The following PHACTR1 variants were observed in gnomAD, a reference collection of about 807,000 sequenced individuals.
PHACTR1 encodes the protein phosphatase and actin regulator 1.
PHACTR1 carries 16 observed loss-of-function variants against 69.2 expected under a neutral mutation model. That is an observed-to-expected ratio of 0.23 (90% CI 0.16 to 0.35). The LOEUF (loss-of-function observed/expected upper bound fraction) is 0.35. Among genes scored for constraint, PHACTR1 ranks in the 10% least tolerant of loss-of-function variants. The pLI is 1.00. For synonymous variants in PHACTR1, 312 were observed against 284.5 expected, an observed-to-expected ratio of 1.10 and a Z score of -0.97; for missense variants, 510 against 734.7, an observed-to-expected ratio of 0.69 and a Z score of 3.54.
chr6:13,221,578 G>C (rs911811692), intron 8 of PHACTR1, among the ~76,000 whole-genome samples: 1 of 152,202 alleles, frequency 6.6e-6, no homozygotes, highest in Non-Finnish European at 1.5e-5. Flanking sequence ...CCCTCTGGTT[G>C]TGTGACCTTG....
rs569562336 is a variant in PHACTR1 at position 13,016,936 on chromosome 6, C to T, written c.251-36429C>T. Among the ~76,000 whole-genome samples the T allele has an allele frequency of 1.4e-4, 22 of 152,242 alleles. No homozygotes were observed. In the South Asian group the frequency reaches 4.2e-3, roughly 29 times the overall value. On this transcript the variant is annotated intron_variant, in intron 4 of 14. Transcript: ENST00000332995. ...GCGCGGTGGCTCACGCCTGTAATCC[C>T]AGCACTTTGGGAGGCCAAAGCCTGT...
At chr6:12,752,548 C>T (rs1428516336) in intron 4 of PHACTR1, among the ~76,000 whole-genome samples, 1 of 152,120 alleles carries the variant, frequency 6.6e-6, no homozygotes, top group Non-Finnish European at 1.5e-5. Flanking sequence ...ATACATAAAC[C>T]CATGTTTGAT....
At position 13,243,062 on chromosome 6, in the gene PHACTR1, A is replaced by G. The variant is rs73357157; in HGVS notation, c.1391+12869A>G. ...GTAGCAAATTCTTTTATGGGTGTGA[A>G]TGTATTTTAGATTATTTCTCTTGCC... On this transcript the variant is annotated intron_variant, in intron 10 of 14. Coordinates refer to ENST00000332995, the MANE Select transcript of PHACTR1 (RefSeq NM_030948.6). Among the ~76,000 whole-genome samples, 504 of 152,306 alleles carry G rather than the reference A, an allele frequency of 3.3e-3. 3 individuals carry two copies. Among genetic ancestry groups the G allele is most frequent in the African/African-American group, 0.012 (480 of 41,568 alleles).
chr6:13,147,112 G>A (rs935832101), intron 5 of PHACTR1, among the ~76,000 whole-genome samples: 2 of 152,110 alleles, frequency 1.3e-5, no homozygotes, highest in African/African-American at 4.8e-5. Context: ...TTGTACGTGG[G>A]GCTTAACATA....
intron 4 of PHACTR1, among the ~76,000 whole-genome samples, chr6:12,777,237 A>T (rs200037773): frequency 3.7e-4 from 44 of 119,794 alleles, no homozygotes; most frequent in South Asian, 7.1e-4. Context: ...ATATATATAT[A>T]TATATTTTTT....
chr6:13,179,622 T>C lies in PHACTR1; in HGVS notation c.497-2897T>C. ...GGTTTTCATTTCTTTCTACTAGATATGTATACACATATATGGATGGATGGG... is the reference window on the plus strand; with the variant it reads ...GGTTTTCATTTCTTTCTACTAGATACGTATACACATATATGGATGGATGGG... On this transcript the variant is annotated intron_variant, in intron 6 of 14. Transcript: ENST00000332995. This position sits in a 1 kb window ranked among gnomAD's most constrained non-coding sequence, Gnocchi z 4.2. 6.6e-6 allele frequency among the ~76,000 whole-genome samples: 1 copy of C among 152,042 alleles called. No homozygotes were observed. Among genetic ancestry groups the C allele is most frequent in the East Asian group, 1.9e-4 (1 of 5,196 alleles).
intron 4 of PHACTR1, among the ~76,000 whole-genome samples, chr6:12,816,666 A>G (rs1775626765): frequency 6.6e-6 from 1 of 152,234 alleles, no homozygotes; most frequent in Non-Finnish European, 1.5e-5. Flanking sequence ...TAAAAATGGC[A>G]ATAGGCACAG....
chr6:12,947,771 G>A (rs183253024), intron 4 of PHACTR1, among the ~76,000 whole-genome samples: 11 of 152,274 alleles, frequency 7.2e-5, no homozygotes, highest in Non-Finnish European at 1.2e-4. Flanking sequence ...ATTTAAATAC[G>A]TAGTAAGTGA....
In PHACTR1 at chr6:12,733,674, C is replaced by A. The variant is rs182339348; in HGVS notation, c.103+14827C>A. 3.3e-5 allele frequency among the ~76,000 whole-genome samples: 5 copies of A among 152,246 alleles called. No individual in the cohort carries two copies. In the East Asian group the frequency reaches 5.8e-4, roughly 18 times the overall value. ...ATATGGGGCTCAAATAGGATTAAAGCCCCTGCAGCCTTTGCCTCTGAAGTT... is the reference window on the plus strand; with the variant it reads ...ATATGGGGCTCAAATAGGATTAAAGACCCTGCAGCCTTTGCCTCTGAAGTT... On this transcript the variant is annotated intron_variant, in intron 3 of 14. Transcript: ENST00000332995.
At position 13,053,319 on chromosome 6, in the gene PHACTR1, A is replaced by C. The variant is rs1320714802; in HGVS notation, c.251-46A>C. The C allele has an allele frequency of 3.9e-6, 6 of 1,531,194 alleles. No individual in the cohort carries two copies. The African/African-American group carries it at 6.9e-5, about 18-fold the overall frequency. The allele number at this position is 1,531,194 out of a possible 1,614,324, so 94.9% of individuals were successfully genotyped here. On this transcript the variant is annotated intron_variant, in intron 4 of 14. Coordinates refer to ENST00000332995, the MANE Select transcript of PHACTR1 (RefSeq NM_030948.6). ...CCATCTGTGAGGCTCCCATTTTAAC[A>C]CTTTTTTTCTCTCTTTGTTTTCATC...
At chr6:12,874,709 CAAG>C (rs1429807269) in intron 4 of PHACTR1, among the ~76,000 whole-genome samples, 7 of 152,152 alleles carry the variant, frequency 4.6e-5, no homozygotes, top group Admixed American at 3.9e-4. Flanking sequence ...TTGCAAAACA[CAAG>C]AAGAACAAAT....
chr6:12,849,625 A>C (rs1779638973), intron 4 of PHACTR1, among the ~76,000 whole-genome samples: 2 of 152,118 alleles, frequency 1.3e-5, no homozygotes, highest in Admixed American at 6.5e-5. Context: ...TGATGTTATG[A>C]TTTCATTGCT....
chr6:13,160,893 C>G (rs1758892780), intron 6 of PHACTR1, among the ~76,000 whole-genome samples: 1 of 152,188 alleles, frequency 6.6e-6, no homozygotes, highest in Admixed American at 6.5e-5. Flanking sequence ...GAATTATTGC[C>G]TTTGAATATG....
intron 4 of PHACTR1, among the ~76,000 whole-genome samples, chr6:12,964,754 G>A (rs1582732527): frequency 6.6e-6 from 1 of 152,128 alleles, no homozygotes; most frequent in Non-Finnish European, 1.5e-5. Flanking sequence ...AAATAATAAT[G>A]ATAATAAATA....
At chr6:13,169,986 C>T (rs1760355973) in intron 6 of PHACTR1, among the ~76,000 whole-genome samples, 1 of 152,126 alleles carries the variant, frequency 6.6e-6, no homozygotes, top group South Asian at 2.1e-4. Flanking sequence ...TAATAAAGTC[C>T]AATTGTAGGG....
At chr6:13,026,812 CTG>C in intron 4 of PHACTR1, among the ~76,000 whole-genome samples, 1 of 152,246 alleles carries the variant, frequency 6.6e-6, no homozygotes, top group East Asian at 1.9e-4. Context: ...CCTCTTCAGA[CTG>C]TGCAGGTCAC....
At chr6:12,956,307 G>A (rs1400726726) in intron 4 of PHACTR1, among the ~76,000 whole-genome samples, 1 of 152,188 alleles carries the variant, frequency 6.6e-6, no homozygotes, top group Non-Finnish European at 1.5e-5. Flanking sequence ...TAACTTGATC[G>A]TCGTATTGTG....
chr6:12,895,936 C>T (rs1784625954), intron 4 of PHACTR1, among the ~76,000 whole-genome samples: 1 of 152,164 alleles, frequency 6.6e-6, no homozygotes. Context: ...TCAAGGAGAC[C>T]TCATTATAGT....
chr6:13,142,669 C>G (rs773032416), intron 5 of PHACTR1, among the ~76,000 whole-genome samples: 13 of 152,166 alleles, frequency 8.5e-5, no homozygotes, highest in Non-Finnish European at 1.8e-4. Context: ...TATTTTTCCC[C>G]TTTGAATTTT....
Sources: allele counts gnomAD v4.1 joint callset (sites outside exome capture counted in the v4.1 genomes callset), GRCh38; gene constraint gnomAD v4.1.1; non-coding constraint Gnocchi (gnomAD v3.1); transcripts MANE v1.5; gene names NCBI Gene and HGNC (gene_info 2026-07-23, HGNC 2026-07-21).